Variants in GBF1 observed in about 807,000 individuals in gnomAD.
GBF1 encodes the protein Golgi-specific brefeldin A-resistance guanine nucleotide exchange factor 1.
Under a neutral mutation model 210.5 loss-of-function variants are expected in GBF1, and 114 were observed. That is an observed-to-expected ratio of 0.54 (90% CI 0.47 to 0.63). The LOEUF (loss-of-function observed/expected upper bound fraction) is 0.63. Among genes scored for constraint, GBF1 ranks in the 30% least tolerant of loss-of-function variants. The probability of loss-of-function intolerance (pLI) is 0.00; values close to 1 mark genes in which losing one functional copy is unlikely to be tolerated. For synonymous variants in GBF1, 850 were observed against 889.2 expected, an observed-to-expected ratio of 0.96 and a Z score of 0.78; for missense variants, 1,851 against 2,357.7, an observed-to-expected ratio of 0.79 and a Z score of 4.45.
chr10:102,376,388 C>T lies in GBF1; in HGVS notation c.4003C>T (p.Arg1335Ter), dbSNP rs1002150547. ...TDHGRPGKIHRSATDADVVNS... is the reference protein window; with the variant it reads ...TDHGRPGKIH Reference sequence around the variant, plus strand: ...CCATGGCAGGCCGGGCAAGATACACCGATCAGCCACAGATGCCGATGTGGT... The same window carrying T: ...CCATGGCAGGCCGGGCAAGATACACTGATCAGCCACAGATGCCGATGTGGT... Residue 1335 changes from arginine (R) to a stop codon, truncating the protein, a stop_gained, in exon 31 of 40, where the codon CGA (arginine) becomes TGA (stop). Transcript: ENST00000369983. LOFTEE classifies it high-confidence loss of function. 3.7e-6 allele frequency: 6 copies of T among 1,614,136 alleles called. No individual in the cohort carries two copies. Among genetic ancestry groups the T allele is most frequent in the Non-Finnish European group, 3.4e-6 (4 of 1,180,026 alleles).
rs764189455 is a variant in GBF1 at position 102,258,971 on chromosome 10, G to C, written c.33G>C (p.Gly11=). MVDKNIYIIQ[G]EINIVVGAIK... ...ATAAGAATATTTACATCATTCAAGG[G>C]GAGATTAACATTGTGGTTGGGGCCA... The change falls in exon 2 of 40, where the codon GGG becomes GGC. Residue 11 remains glycine, a synonymous_variant. Transcript: ENST00000369983. The C allele has an allele frequency of 1.2e-5, 19 of 1,605,572 alleles. No homozygotes were observed. In the Middle Eastern group the frequency reaches 9.9e-4, roughly 84 times the overall value.
intron 3 of GBF1, among the ~76,000 whole-genome samples, chr10:102,339,730 C>T (rs927339363): frequency 1.3e-5 from 2 of 151,914 alleles, no homozygotes; most frequent in Non-Finnish European, 2.9e-5. Flanking sequence ...CAGACTTAGA[C>T]ACATAGATCA....
At chr10:102,295,946 A>G (rs1173275961) in intron 3 of GBF1, among the ~76,000 whole-genome samples, 1 of 152,232 alleles carries the variant, frequency 6.6e-6, no homozygotes, top group Non-Finnish European at 1.5e-5. Context: ...ATACTCAAAT[A>G]AATACTTATA....
intron 14 of GBF1, 81 bp from the exon 15 acceptor site, chr10:102,362,393 GA>G: frequency 9.7e-7 from 1 of 1,025,824 alleles, no homozygotes. Flanking sequence ...CAAGTTAGAA[GA>G]AGTTTTGGAA....
intron 3 of GBF1, among the ~76,000 whole-genome samples, chr10:102,323,981 A>G (rs1210502778): frequency 6.6e-6 from 1 of 152,116 alleles, no homozygotes; most frequent in African/African-American, 2.4e-5. Context: ...TTTCCCCAGC[A>G]TAAGTCCAAC....
At chr10:102,362,158 A>G (rs188861758) in intron 14 of GBF1, among the ~76,000 whole-genome samples, 1,804 of 139,544 alleles carry the variant, frequency 0.013, 30 homozygotes, top group African/African-American at 0.046. Context: ...CCGGGTTCAC[A>G]CCATTCTCCT....
In GBF1 at chr10:102,272,293, CAG is replaced by C. The variant is rs554754681; in HGVS notation, c.163+12180_163+12181del. Among the ~76,000 whole-genome samples the C allele has an allele frequency of 1.2e-4, 18 of 152,204 alleles. No homozygotes were observed. The South Asian group carries it at 3.7e-3, about 32-fold the overall frequency. On this transcript the variant is annotated intron_variant, in intron 3 of 39. Transcript: ENST00000369983. ...CTAATTTTTGTATTGTTAGTAGAGACAGAGTTTCGCCATGTTGGCCAGGCTGG... is the reference window on the plus strand; with the variant it reads ...CTAATTTTTGTATTGTTAGTAGAGACAGTTTCGCCATGTTGGCCAGGCTGG...
At position 102,368,201 on chromosome 10, in the gene GBF1, C is replaced by G. The variant is rs2060012737; in HGVS notation, c.2643-17C>G. ...GTTCAAAGCAGTGCAACTGCTCCTTCCCTTACCTCCTGACAGGAATGAGGA... is the reference window on the plus strand; with the variant it reads ...GTTCAAAGCAGTGCAACTGCTCCTTGCCTTACCTCCTGACAGGAATGAGGA... On this transcript the variant is annotated splice_polypyrimidine_tract_variant and intron_variant, in intron 21 of 39. Coordinates refer to ENST00000369983, the MANE Select transcript of GBF1 (RefSeq NM_001377137.1). The G allele has an allele frequency of 3.9e-6, 6 of 1,555,392 alleles. No individual in the cohort carries two copies. The highest frequency in any genetic ancestry group is 4.4e-6 in the Non-Finnish European group (5 of 1,126,958).
intron 3 of GBF1, among the ~76,000 whole-genome samples, chr10:102,333,423 C>T (rs1218218439): frequency 6.6e-6 from 1 of 151,430 alleles, no homozygotes; most frequent in Non-Finnish European, 1.5e-5. Context: ...AGGCTTCTGG[C>T]TTTGCCAAAG....
chr10:102,307,742 A>G (rs2078031657), intron 3 of GBF1, among the ~76,000 whole-genome samples: 1 of 152,194 alleles, frequency 6.6e-6, no homozygotes, highest in Non-Finnish European at 1.5e-5. Context: ...ACGAGCCGAG[A>G]TCGCGCCATT....
At chr10:102,329,540 T>C (rs1281206171) in intron 3 of GBF1, among the ~76,000 whole-genome samples, 4 of 152,162 alleles carry the variant, frequency 2.6e-5, no homozygotes, top group Non-Finnish European at 5.9e-5. Context: ...CTCGGCTCAC[T>C]GCAAGCTCCG....
At chr10:102,235,967 G>C in the GBF1 span, among the ~76,000 whole-genome samples, 1 of 152,224 alleles carries the variant, frequency 6.6e-6, no homozygotes, top group African/African-American at 2.4e-5. Flanking sequence ...AAGCCTTTAG[G>C]CTCTTGCATG....
intron 3 of GBF1, among the ~76,000 whole-genome samples, chr10:102,308,173 T>C (rs2078080626): frequency 7.0e-6 from 1 of 143,786 alleles, no homozygotes. Flanking sequence ...TTTATGAGAA[T>C]GTTTATAGCA....
In GBF1 at chr10:102,259,936, A is replaced by G. The variant is rs1590520364; in HGVS notation, c.97-114A>G. Reference sequence around the variant, plus strand: ...GGCTAATTTTCTTTTCCTCAGAAGGAAAACTTAAATGATTTTCTGATTGGA... The same window carrying G: ...GGCTAATTTTCTTTTCCTCAGAAGGGAAACTTAAATGATTTTCTGATTGGA... On this transcript the variant is annotated intron_variant, in intron 2 of 39. Coordinates refer to ENST00000369983, the MANE Select transcript of GBF1 (RefSeq NM_001377137.1). The G allele has an allele frequency of 1.2e-5, 8 of 647,032 alleles. No individual in the cohort carries two copies. In the East Asian group the frequency reaches 1.9e-4, roughly 15 times the overall value. 40.1% of individuals were successfully genotyped at this position (647,032 alleles called of 1,614,324 possible). A position where few individuals can be genotyped will look rare whatever the true frequency, so the allele number is the denominator to read the frequency against.
intron 3 of GBF1, among the ~76,000 whole-genome samples, chr10:102,342,696 C>T (rs978292996): frequency 1.5e-4 from 23 of 152,116 alleles, no homozygotes; most frequent in Admixed American, 1.2e-3. Context: ...AACCCTGCTT[C>T]CTTTTGTCTC....
In GBF1 at chr10:102,380,763, T is replaced by C; in HGVS notation, c.5173+77T>C. 4.8e-6 allele frequency: 6 copies of C among 1,237,538 alleles called. 1 individual carries two copies. The East Asian group carries it at 7.0e-5, about 14-fold the overall frequency. The allele number at this position is 1,237,538 out of a possible 1,614,324, so 76.7% of individuals were successfully genotyped here. Reference sequence around the variant, plus strand: ...TGGCTCACACCTCTAATCCCAGCACTTTGAGAGGCCGAGGTGGGTGGATCA... The same window carrying C: ...TGGCTCACACCTCTAATCCCAGCACCTTGAGAGGCCGAGGTGGGTGGATCA... On this transcript the variant is annotated intron_variant, in intron 38 of 39. Transcript: ENST00000369983.
chr10:102,297,916 A>G (rs113812753), intron 3 of GBF1, among the ~76,000 whole-genome samples: 2,131 of 152,152 alleles, frequency 0.014, 38 homozygotes, highest in African/African-American at 0.049. Context: ...AGTTGAAACT[A>G]GTAGTTTTGT....
At chr10:102,266,619 T>C (rs2073900003) in intron 3 of GBF1, among the ~76,000 whole-genome samples, 1 of 152,234 alleles carries the variant, frequency 6.6e-6, no homozygotes, top group South Asian at 2.1e-4. Flanking sequence ...TGCTGCCAGC[T>C]TTTCTTATTC....
Position 102,358,025 on chromosome 10 carries a change from TATG to T in GBF1, c.640-11_640-9del. On this transcript the variant is annotated splice_polypyrimidine_tract_variant and intron_variant, in intron 8 of 39. Transcript: ENST00000369983. ...AGTTTGAATACCATTGCTAATGGGG[TATG>T]ATATTTCCAGCTGAAAATGAGAGCC... 2.6e-6 allele frequency: 4 copies of T among 1,555,322 alleles called. No homozygotes were observed. Among genetic ancestry groups the T allele is most frequent in the East Asian group, 2.2e-5 (1 of 44,606 alleles).
Sources: gnomAD v4.1 joint callset for allele counts (sites outside exome capture counted in the v4.1 genomes callset) on GRCh38, gnomAD v4.1.1 for gene constraint, MANE v1.5 for transcripts, NCBI Gene and HGNC (gene_info 2026-07-23, HGNC 2026-07-21) for gene names.